Variants in PRKACG observed in about 807,000 individuals in gnomAD.
The protein encoded by PRKACG is cAMP-dependent protein kinase catalytic subunit gamma.
Under a neutral mutation model 25.6 loss-of-function variants are expected in PRKACG, and 24 were observed. The ratio of observed to expected loss-of-function variants is 0.94; its 90% CI spans 0.68 to 1.32. The LOEUF (loss-of-function observed/expected upper bound fraction) is 1.32. PRKACG is among the 40% of genes most tolerant of loss of function. The pLI is 0.00. For synonymous variants in PRKACG, 202 were observed against 195.9 expected, an observed-to-expected ratio of 1.03 and a Z score of -0.26; for missense variants, 481 against 462.9, an observed-to-expected ratio of 1.04 and a Z score of -0.36.
Position 69,013,997 on chromosome 9 carries a change from TCC to T in PRKACG, c.94_95del (p.Gly32LysfsTer80). 1.2e-6 allele frequency: 2 copies of T among 1,613,590 alleles called. No homozygotes were observed. The highest frequency in any genetic ancestry group is 1.7e-6 in the Non-Finnish European group (2 of 1,179,960). On this transcript the variant is annotated frameshift_variant, in exon 1 of 1. Coordinates refer to ENST00000377276, the MANE Select transcript of PRKACG (RefSeq NM_002732.4). LOFTEE classifies it high-confidence loss of function. Reference sequence around the variant, plus strand: ...AGCTGGCGGTGTTTTGAGCGGGGTTTCCCCATCTGTAGAGGAAATCTCCTCTG... The same window carrying T: ...AGCTGGCGGTGTTTTGAGCGGGGTTTCCATCTGTAGAGGAAATCTCCTCTG... ...KARGDFLYRWGNPAQNTASSD... is the reference protein window; with the variant it reads ...KARGDFLYRWXNPAQNTASSD...
chr9:69,014,078 G>A lies in PRKACG; in HGVS notation c.15C>T (p.Pro5=). The part of the protein sequence containing the change: MGNA[P]AKKDTEQEES... ...CCTCCTGCTCGGTGTCCTTCTTGGCGGGGGCGTTGCCCATGGCGGTGGCGG... is the reference window on the plus strand; with the variant it reads ...CCTCCTGCTCGGTGTCCTTCTTGGCAGGGGCGTTGCCCATGGCGGTGGCGG... Residue 5 remains proline, a synonymous_variant, in exon 1 of 1, where the codon CCC becomes CCT. Coordinates refer to ENST00000377276, the MANE Select transcript of PRKACG (RefSeq NM_002732.4). The A allele has an allele frequency of 6.2e-7, 1 of 1,601,662 alleles. No individual in the cohort carries two copies. The highest frequency in any genetic ancestry group is 8.5e-7 in the Non-Finnish European group (1 of 1,173,966).
Position 69,012,914 on chromosome 9 carries a change from G to C in PRKACG, c.*123C>G. 7 of 955,638 alleles carry C rather than the reference G, an allele frequency of 7.3e-6. No homozygotes were observed. Among genetic ancestry groups the C allele is most frequent in the Non-Finnish European group, 1.1e-5 (7 of 653,710 alleles). The allele number at this position is 955,638 out of a possible 1,614,324, so 59.2% of individuals were successfully genotyped here. A position where few individuals can be genotyped will look rare whatever the true frequency, so the allele number is the denominator to read the frequency against. On this transcript the variant is annotated 3_prime_UTR_variant, in exon 1 of 1. Coordinates refer to ENST00000377276, the MANE Select transcript of PRKACG (RefSeq NM_002732.4). ...CCTGCTCCCCCAACCCTGGAGGGTG[G>C]GGTGAGGATGAAATTAGATACAAGG...
At position 69,013,883 on chromosome 9, in the gene PRKACG, G is replaced by C; in HGVS notation, c.210C>G (p.Tyr70Ter). The change falls in exon 1 of 1, where the codon TAC (tyrosine) becomes TAG (stop). Residue 70 changes from tyrosine to a stop codon, truncating the protein, a stop_gained. Coordinates refer to ENST00000377276, the MANE Select transcript of PRKACG (RefSeq NM_002732.4). LOFTEE classifies it high-confidence loss of function. ...TCTGCTTGTTGAGGATCTTCATGGC[G>C]TAGTGGCCGCCGGTCTCCTGGTGCC... ...LVRHQETGGH[Y>*]AMKILNKQKV... 1 of 1,613,766 alleles carries C rather than the reference G, an allele frequency of 6.2e-7. No homozygotes were observed. The highest frequency in any genetic ancestry group is 8.5e-7 in the Non-Finnish European group (1 of 1,179,986).
At position 69,012,528 on chromosome 9, in the gene PRKACG, G is replaced by GT. The variant is rs1831283860; in HGVS notation, c.*508dup. The GT allele has an allele frequency of 6.5e-6, 1 of 154,292 alleles. No individual in the cohort carries two copies. The highest frequency in any genetic ancestry group is 2.4e-5 in the African/African-American group (1 of 41,444). The allele number at this position is 154,292 out of a possible 1,614,324, so 9.6% of individuals were successfully genotyped here. ...GTGGAACTTAAATAAGATTTTAATT[G>GT]TTTTTTGTTTTAATTTTTTATTCTA... On this transcript the variant is annotated 3_prime_UTR_variant, in exon 1 of 1. Coordinates refer to ENST00000377276, the MANE Select transcript of PRKACG (RefSeq NM_002732.4).
chr9:69,013,949 C>T lies in PRKACG; in HGVS notation c.144G>A (p.Arg48=), dbSNP rs1831307295. ...TASSDQFERL[R]TLGMGSFGRV... ...GCCCGAAGGAGCCCATGCCCAGCGT[C>T]CTGAGCCGTTCGAACTGATCCGAGC... The change falls in exon 1 of 1, where the codon AGG becomes AGA. Residue 48 remains arginine, a synonymous_variant. Coordinates refer to ENST00000377276, the MANE Select transcript of PRKACG (RefSeq NM_002732.4). 6.2e-7 allele frequency: 1 copy of T among 1,613,916 alleles called. No homozygotes were observed. The highest frequency in any genetic ancestry group is 8.5e-7 in the Non-Finnish European group (1 of 1,180,010).
rs909194361 is a variant in PRKACG, at chr9:69,012,701, G to A, written c.*336C>T. Reference sequence around the variant, plus strand: ...AAGTTTGAGCCCCTCTTTCCACACCGTGTCCCTTGATACAACAGCAAGACC... The same window carrying A: ...AAGTTTGAGCCCCTCTTTCCACACCATGTCCCTTGATACAACAGCAAGACC... On this transcript the variant is annotated 3_prime_UTR_variant, in exon 1 of 1. Transcript: ENST00000377276. 1.5e-5 allele frequency: 4 copies of A among 259,510 alleles called. No homozygotes were observed. Among genetic ancestry groups the A allele is most frequent in the Non-Finnish European group, 2.9e-5 (4 of 135,614 alleles). 16.1% of individuals were successfully genotyped at this position (259,510 alleles called of 1,614,324 possible). A position where few individuals can be genotyped will look rare whatever the true frequency, so the allele number is the denominator to read the frequency against.
At position 69,013,069 on chromosome 9, in the gene PRKACG, C is replaced by A. The variant is rs1831290446; in HGVS notation, c.1024G>T (p.Glu342Ter). Residue 342 changes from glutamate (E) to a stop codon, truncating the protein, a stop_gained, in exon 1 of 1, where the codon GAG becomes TAG. Coordinates refer to ENST00000377276, the MANE Select transcript of PRKACG (RefSeq NM_002732.4). LOFTEE classifies it high-confidence loss of function. ...TCAGAAAACTCCTTGGCACACTTCTCATTGATGGAGATCCGGAGCTCTTCC... is the reference window on the plus strand; with the variant it reads ...TCAGAAAACTCCTTGGCACACTTCTAATTGATGGAGATCCGGAGCTCTTCC... ...EEEELRISIN[E>*]KCAKEFSEF 1 of 1,614,068 alleles carries A rather than the reference C, an allele frequency of 6.2e-7. No homozygotes were observed. Among genetic ancestry groups the A allele is most frequent in the Non-Finnish European group, 8.5e-7 (1 of 1,180,038 alleles).
Position 69,013,971 on chromosome 9 carries a change from G to A in PRKACG, c.122C>T (p.Ser41Leu). Reference sequence around the variant, plus strand: ...CGTCCTGAGCCGTTCGAACTGATCCGAGCTGGCGGTGTTTTGAGCGGGGTT... The same window carrying A: ...CGTCCTGAGCCGTTCGAACTGATCCAAGCTGGCGGTGTTTTGAGCGGGGTT... ...WGNPAQNTAS[S>L]DQFERLRTLG... Residue 41 changes from serine (S) to leucine (L), a missense_variant, in exon 1 of 1, where the codon TCG becomes TTG. Coordinates refer to ENST00000377276, the MANE Select transcript of PRKACG (RefSeq NM_002732.4). 1 of 1,613,714 alleles carries A rather than the reference G, an allele frequency of 6.2e-7. No homozygotes were observed. The highest frequency in any genetic ancestry group is 8.5e-7 in the Non-Finnish European group (1 of 1,179,990).
rs147576281 is a variant in PRKACG, at chr9:69,013,644, T to A, written c.449A>T (p.Gln150Leu). 6.8e-5 allele frequency: 110 copies of A among 1,613,786 alleles called. No homozygotes were observed. The African/African-American group carries it at 1.2e-3, about 18-fold the overall frequency. The change falls in exon 1 of 1, where the codon CAG (glutamine) becomes CTG (leucine). Residue 150 changes from glutamine (Q) to leucine (L), a missense_variant. Gln to Leu is a moderately radical substitution (Grantham distance 113, BLOSUM62 -2). Transcript: ENST00000377276. ...TAGGTACTGGACGGCCAGGACGACC[T>A]GGGCGGCATAGAAACAGGCATGGGG... ...SEPHACFYAAQVVLAVQYLHS... is the reference protein window; with the variant it reads ...SEPHACFYAALVVLAVQYLHS...
rs1170480520 is a variant in PRKACG, at chr9:69,012,903, C to G, written c.*134G>C. 19 of 885,068 alleles carry G rather than the reference C, an allele frequency of 2.1e-5. No homozygotes were observed. The highest frequency in any genetic ancestry group is 2.7e-5 in the Non-Finnish European group (16 of 593,306). The allele number at this position is 885,068 out of a possible 1,614,324, so 54.8% of individuals were successfully genotyped here. The stretch of plus-strand genomic sequence containing the variant: ...TATCTGGGCTTCCTGCTCCCCCAAC[C>G]CTGGAGGGTGGGGTGAGGATGAAAT... On this transcript the variant is annotated 3_prime_UTR_variant, in exon 1 of 1. Coordinates refer to ENST00000377276, the MANE Select transcript of PRKACG (RefSeq NM_002732.4).
Position 69,013,519 on chromosome 9 carries a change from C to T in PRKACG, c.574G>A (p.Val192Met). The change falls in exon 1 of 1, where the codon GTG becomes ATG. Residue 192 changes from valine to methionine, a missense_variant. Val to Met is a conservative substitution (Grantham distance 21). Coordinates refer to ENST00000377276, the MANE Select transcript of PRKACG (RefSeq NM_002732.4). The part of the protein sequence containing the change: ...QVTDFGFAKR[V>M]KGRTWTLCGT... ...CACAAGGTCCAAGTGCGGCCCTTCA[C>T]GCGCTTGGCGAAACCGAAGTCCGTC... The T allele has an allele frequency of 2.5e-6, 4 of 1,614,026 alleles. No individual in the cohort carries two copies. Among genetic ancestry groups the T allele is most frequent in the African/African-American group, 1.3e-5 (1 of 75,030 alleles).
Position 69,014,028 on chromosome 9 carries a change from T to C in PRKACG, c.65A>G (p.Lys22Arg). 6.2e-7 allele frequency: 1 copy of C among 1,613,282 alleles called. No individual in the cohort carries two copies. The highest frequency in any genetic ancestry group is 8.5e-7 in the Non-Finnish European group (1 of 1,179,944). ...QEESVNEFLAKARGDFLYRWG... is the reference protein window; with the variant it reads ...QEESVNEFLARARGDFLYRWG... ...TCTGTAGAGGAAATCTCCTCTGGCT[T>C]TGGCTAGGAACTCGTTCACGCTCTC... The change falls in exon 1 of 1, where the codon AAA (lysine) becomes AGA (arginine). Residue 22 changes from lysine (K) to arginine (R), a missense_variant. Lys to Arg is a conservative substitution (Grantham distance 26). Coordinates refer to ENST00000377276, the MANE Select transcript of PRKACG (RefSeq NM_002732.4).
Position 69,012,973 on chromosome 9 carries a change from C to G in PRKACG, c.*64G>C. The G allele has an allele frequency of 6.6e-7, 1 of 1,516,892 alleles. No individual in the cohort carries two copies. The highest frequency in any genetic ancestry group is 8.9e-7 in the Non-Finnish European group (1 of 1,125,618). 94.0% of individuals were successfully genotyped at this position (1,516,892 alleles called of 1,614,324 possible). A position where few individuals can be genotyped will look rare whatever the true frequency, so the allele number is the denominator to read the frequency against. On this transcript the variant is annotated 3_prime_UTR_variant, in exon 1 of 1. Coordinates refer to ENST00000377276, the MANE Select transcript of PRKACG (RefSeq NM_002732.4). Reference sequence around the variant, plus strand: ...GGCCCTCTGGCTGTTCAATCCAACCCTCCCATCCCCCAAACCACCAAAAAC... The same window carrying G: ...GGCCCTCTGGCTGTTCAATCCAACCGTCCCATCCCCCAAACCACCAAAAAC...
Position 69,013,487 on chromosome 9 carries a change from G to A in PRKACG, c.606C>T (p.Thr202=), listed in dbSNP as rs1257908215. Residue 202 remains threonine, a synonymous_variant, in exon 1 of 1, where the codon ACC becomes ACT. Coordinates refer to ENST00000377276, the MANE Select transcript of PRKACG (RefSeq NM_002732.4). ...TGATCTCGGGGGCCAGGTACTCTGG[G>A]GTCCCGCACAAGGTCCAAGTGCGGC... ...VKGRTWTLCG[T]PEYLAPEIIL... The A allele has an allele frequency of 1.2e-6, 2 of 1,614,044 alleles. No homozygotes were observed. Among genetic ancestry groups the A allele is most frequent in the Admixed American group, 3.3e-5 (2 of 60,022 alleles).
Position 69,013,308 on chromosome 9 carries a change from A to G in PRKACG, c.785T>C (p.Leu262Pro). 1.2e-6 allele frequency: 2 copies of G among 1,614,028 alleles called. No individual in the cohort carries two copies. The highest frequency in any genetic ancestry group is 1.7e-6 in the Non-Finnish European group (2 of 1,179,998). Reference protein sequence around the residue: ...VSGRVRFPSKLSSDLKHLLRS... With the variant: ...VSGRVRFPSKPSSDLKHLLRS... ...CAGCAGATGCTTGAGGTCAGAGCTG[A>G]GTTTGGAGGGAAACCGCACCCTCCC... is the stretch of plus-strand genomic sequence containing the variant. Residue 262 changes from leucine to proline, a missense_variant, in exon 1 of 1, where the codon CTC becomes CCC. By Grantham distance (98) the Leu-to-Pro change is moderately conservative. Coordinates refer to ENST00000377276, the MANE Select transcript of PRKACG (RefSeq NM_002732.4).
chr9:69,012,899 C>T lies in PRKACG; in HGVS notation c.*138G>A. 1 of 851,030 alleles carries T rather than the reference C, an allele frequency of 1.2e-6. No individual in the cohort carries two copies. The allele number at this position is 851,030 out of a possible 1,614,324, so 52.7% of individuals were successfully genotyped here. ...CAAATATCTGGGCTTCCTGCTCCCC[C>T]AACCCTGGAGGGTGGGGTGAGGATG... On this transcript the variant is annotated 3_prime_UTR_variant, in exon 1 of 1. Transcript: ENST00000377276.
chr9:69,012,653 G>T lies in PRKACG; in HGVS notation c.*384C>A. 4.9e-6 allele frequency: 1 copy of T among 202,760 alleles called. No individual in the cohort carries two copies. The highest frequency in any genetic ancestry group is 1.0e-5 in the Non-Finnish European group (1 of 98,730). 12.6% of individuals were successfully genotyped at this position (202,760 alleles called of 1,614,324 possible). On this transcript the variant is annotated 3_prime_UTR_variant, in exon 1 of 1. Transcript: ENST00000377276. ...TTTCATTCATCCTCTCTTAGTAAGT[G>T]GTGCCTGTTCAGGGCTGGAGTTAAG...
chr9:69,013,823 C>T lies in PRKACG; in HGVS notation c.270G>A (p.Leu90=). 3 of 1,613,864 alleles carry T rather than the reference C, an allele frequency of 1.9e-6. No individual in the cohort carries two copies. The highest frequency in any genetic ancestry group is 2.5e-6 in the Non-Finnish European group (3 of 1,179,996). Residue 90 remains leucine (L), a synonymous_variant, in exon 1 of 1, where the codon CTG becomes CTA. Transcript: ENST00000377276. ...TCGCCTGCAGGATGCGCTTCTCGTT[C>T]AGTATGTGCTCGACCTGCTTCATCT... is the stretch of plus-strand genomic sequence containing the variant. ...VVKMKQVEHI[L]NEKRILQAID... is the part of the protein sequence containing the mutation.
At position 69,013,993 on chromosome 9, in the gene PRKACG, G is replaced by T. The variant is rs766452934; in HGVS notation, c.100C>A (p.Pro34Thr). 2.5e-6 allele frequency: 4 copies of T among 1,613,546 alleles called. No individual in the cohort carries two copies. Among genetic ancestry groups the T allele is most frequent in the Non-Finnish European group, 3.4e-6 (4 of 1,179,996 alleles). Reference protein sequence around the residue: ...RGDFLYRWGNPAQNTASSDQF... With the variant: ...RGDFLYRWGNTAQNTASSDQF... ...TCCGAGCTGGCGGTGTTTTGAGCGG[G>T]GTTTCCCCATCTGTAGAGGAAATCT... is the stretch of plus-strand genomic sequence containing the variant. Residue 34 changes from proline (P) to threonine (T), a missense_variant, in exon 1 of 1, where the codon CCC becomes ACC. Pro to Thr is a conservative substitution (Grantham distance 38, BLOSUM62 -1). Transcript: ENST00000377276.
Sources: gnomAD v4.1 joint callset for allele counts on GRCh38, gnomAD v4.1.1 for gene constraint, MANE v1.5 for transcripts, NCBI Gene and HGNC (gene_info 2026-07-23, HGNC 2026-07-21) for gene names.